Variants in KCNU1 observed in about 807,000 individuals in gnomAD.
KCNU1 encodes the protein potassium calcium-activated channel subfamily U member 1.
KCNU1 carries 93 observed loss-of-function variants against 126.8 expected under a neutral mutation model. The observed-to-expected ratio is 0.73, with a 90% CI of 0.62 to 0.87. KCNU1 has a LOEUF of 0.87. KCNU1 is among the 40% of genes least tolerant of loss of function. The probability of loss-of-function intolerance (pLI) is 0.00; values close to 1 mark genes in which losing one functional copy is unlikely to be tolerated. For synonymous variants in KCNU1, 523 were observed against 494.2 expected (o/e 1.06, Z -0.77); for missense variants, 1,330 against 1,367.1 (o/e 0.97, Z 0.43).
At chr8:36,799,037 T>C (rs1221639487) in intron 2 of KCNU1, among the ~76,000 whole-genome samples, 1 of 152,210 alleles carries the variant, frequency 6.6e-6, no homozygotes, top group Non-Finnish European at 1.5e-5. Context: ...CTCTTTTTTA[T>C]TGATCCCCCA....
chr8:36,895,967 C>A (rs752467593), intron 19 of KCNU1, among the ~76,000 whole-genome samples: 1 of 151,960 alleles, frequency 6.6e-6, no homozygotes, highest in Non-Finnish European at 1.5e-5. Context: ...TTTGATAGTA[C>A]CTATCTGTGT....
intron 19 of KCNU1, among the ~76,000 whole-genome samples, chr8:36,887,522 C>T (rs145482979): frequency 6.8e-6 from 1 of 146,502 alleles, no homozygotes; most frequent in Non-Finnish European, 1.5e-5. Context: ...CATCAAAATG[C>T]CTTTTCAGGG....
chr8:36,826,556 T>C (rs1013141350), intron 10 of KCNU1, among the ~76,000 whole-genome samples: 6 of 152,142 alleles, frequency 3.9e-5, no homozygotes, highest in Non-Finnish European at 8.8e-5. Flanking sequence ...CTCTCTTCCC[T>C]TTTTATATCT....
At chr8:36,814,934 C>T (rs1464227746) in intron 8 of KCNU1, among the ~76,000 whole-genome samples, 2 of 152,192 alleles carry the variant, frequency 1.3e-5, no homozygotes, top group African/African-American at 4.8e-5. Flanking sequence ...GTCTCACATC[C>T]CTTTTTTTCA....
chr8:36,822,613 T>C (rs1804171239), intron 10 of KCNU1, among the ~76,000 whole-genome samples: 3 of 152,172 alleles, frequency 2.0e-5, no homozygotes, highest in African/African-American at 7.2e-5. Flanking sequence ...CATATTACTC[T>C]ATGAAATGTT....
At chr8:36,813,376 G>A (rs1029206813) in intron 7 of KCNU1, among the ~76,000 whole-genome samples, 1 of 151,754 alleles carries the variant, frequency 6.6e-6, no homozygotes, top group Non-Finnish European at 1.5e-5. Flanking sequence ...ATCATCTTTT[G>A]TGCTAAATAG....
intron 2 of KCNU1, among the ~76,000 whole-genome samples, chr8:36,792,098 G>A (rs1802924595): frequency 6.6e-6 from 1 of 151,966 alleles, no homozygotes; most frequent in African/African-American, 2.4e-5. Context: ...GGATATTATT[G>A]TTTATATTTT....
At chr8:36,882,802 C>T (rs1299581281) in intron 19 of KCNU1, among the ~76,000 whole-genome samples, 3 of 152,100 alleles carry the variant, frequency 2.0e-5, no homozygotes, top group South Asian at 4.1e-4. Context: ...AGGCTGGTCT[C>T]GAACTCCTGA....
At position 36,845,191 on chromosome 8, in the gene KCNU1, A is replaced by G. The variant is rs143350316; in HGVS notation, c.1704-389A>G. The stretch of plus-strand genomic sequence containing the variant: ...AATGGCAAGTGGCCTAAAGATGAGC[A>G]CTACTAGTATGACGCTAAGCCTGGC... On this transcript the variant is annotated intron_variant, in intron 16 of 26. Transcript: ENST00000399881. Among the ~76,000 whole-genome samples, 530 of 152,348 alleles carry G rather than the reference A, an allele frequency of 3.5e-3. 3 individuals are homozygous for G. Among genetic ancestry groups the G allele is most frequent in the Middle Eastern group, 6.8e-3 (2 of 294 alleles).
chr8:36,919,916 G>A (rs896958504), intron 23 of KCNU1, among the ~76,000 whole-genome samples: 2 of 152,196 alleles, frequency 1.3e-5, no homozygotes, highest in African/African-American at 4.8e-5. Flanking sequence ...TGAGCTGGGA[G>A]TGACAGTGTA....
rs376437823 is a variant in KCNU1 at position 36,933,204 on chromosome 8, G to T, written c.3044+172G>T. 2.1e-4 allele frequency among the ~76,000 whole-genome samples: 32 copies of T among 152,130 alleles called. 1 individual carries two copies. The Middle Eastern group carries it at 0.014, about 65-fold the overall frequency. On this transcript the variant is annotated intron_variant, in intron 26 of 26. Transcript: ENST00000399881. ...AGGAGGGATTGGTATAAACAAGGGG[G>T]ACCTGAATAATTAGGGTCCTATTAA...
At position 36,794,176 on chromosome 8, in the gene KCNU1, G is replaced by A. The variant is rs542988940; in HGVS notation, c.315+6751G>A. Reference sequence around the variant, plus strand: ...AAAGAAGAGGAGCCAACAGGGAGAAGACAACTTTGTCTCCTTGATGGCCCC... The same window carrying A: ...AAAGAAGAGGAGCCAACAGGGAGAAAACAACTTTGTCTCCTTGATGGCCCC... On this transcript the variant is annotated intron_variant, in intron 2 of 26. Transcript: ENST00000399881. 4.6e-5 allele frequency among the ~76,000 whole-genome samples: 7 copies of A among 151,526 alleles called. No homozygotes were observed. In the South Asian group the frequency reaches 1.5e-3, roughly 32 times the overall value.
At chr8:36,802,193 C>G (rs1165294484) in intron 2 of KCNU1, among the ~76,000 whole-genome samples, 2 of 150,626 alleles carry the variant, frequency 1.3e-5, no homozygotes, top group East Asian at 3.9e-4. Flanking sequence ...TGAAAGAAAA[C>G]CAGTTGAAGC....
At chr8:36,826,459 C>T (rs181115860) in intron 10 of KCNU1, among the ~76,000 whole-genome samples, 1 of 152,232 alleles carries the variant, frequency 6.6e-6, no homozygotes. Flanking sequence ...ATCTGCCCAC[C>T]TTGGCCTCCC....
At chr8:36,899,520 AT>A (rs1400268693) in intron 19 of KCNU1, among the ~76,000 whole-genome samples, 4 of 152,048 alleles carry the variant, frequency 2.6e-5, no homozygotes, top group African/African-American at 9.7e-5. Context: ...TAAAAACACC[AT>A]TTACAGATGT....
intron 19 of KCNU1, among the ~76,000 whole-genome samples, chr8:36,890,428 G>A (rs1422667666): frequency 1.3e-5 from 2 of 151,918 alleles, no homozygotes; most frequent in African/African-American, 2.4e-5. Flanking sequence ...AGGCAGTGTA[G>A]TGTTTTTCAA....
intron 18 of KCNU1, among the ~76,000 whole-genome samples, chr8:36,851,576 GATT>G (rs1441900115): frequency 1.3e-5 from 2 of 152,082 alleles, no homozygotes; most frequent in African/African-American, 4.8e-5. Flanking sequence ...TGTGAAAATT[GATT>G]AATACACGAT....
chr8:36,874,223 C>T (rs1012757257), intron 19 of KCNU1, among the ~76,000 whole-genome samples: 8 of 152,108 alleles, frequency 5.3e-5, no homozygotes, highest in East Asian at 1.9e-4. Flanking sequence ...CAGGAAAAGC[C>T]GAGTAGTCAC....
At chr8:36,864,563 A>G in intron 19 of KCNU1, 42 bp downstream of exon 19, 1 of 1,084,698 alleles carries the variant, frequency 9.2e-7, no homozygotes, top group Non-Finnish European at 1.4e-6. Context: ...AGTTTTTTTG[A>G]GAATCAGTGG....
Sources: gnomAD v4.1 joint callset for allele counts (sites outside exome capture counted in the v4.1 genomes callset) on GRCh38, gnomAD v4.1.1 for gene constraint, MANE v1.5 for transcripts, NCBI Gene and HGNC (gene_info 2026-07-23, HGNC 2026-07-21) for gene names.